Variants in KYNU observed in about 807,000 individuals in gnomAD.
KYNU encodes the protein kynureninase.
KYNU carries 54 observed loss-of-function variants against 59.2 expected under a neutral mutation model. The observed-to-expected ratio is 0.91, with a 90% confidence interval of 0.73 to 1.14. KYNU has a LOEUF of 1.14. KYNU is among the 50% of genes most tolerant of loss of function. The pLI, the probability that KYNU is intolerant of heterozygous loss-of-function variation, is 0.00. For missense variants in KYNU, 567 were observed against 554.4 expected (o/e 1.02, Z -0.23); for synonymous variants, 177 against 192.0 (o/e 0.92, Z 0.65).
intron 4 of KYNU, 106 bp downstream of exon 4, chr2:142,927,847 T>C: frequency 1.2e-6 from 1 of 813,578 alleles, no homozygotes; most frequent in South Asian, 1.5e-5. Flanking sequence ...AACATAGTGA[T>C]TTTCTATTTT....
intron 10 of KYNU, among the ~76,000 whole-genome samples, chr2:143,011,089 G>A (rs1203930335): frequency 6.8e-6 from 1 of 146,070 alleles, no homozygotes; most frequent in East Asian, 2.1e-4. Context: ...AAGAGCTTCT[G>A]CACAGCCAAA....
chr2:142,957,192 G>T (rs1485941886), intron 6 of KYNU, among the ~76,000 whole-genome samples: 1 of 151,960 alleles, frequency 6.6e-6, no homozygotes, highest in East Asian at 1.9e-4. Context: ...ATTCCAGGTC[G>T]GTGTGGGGGC....
At chr2:142,908,619 T>C (rs1682376834) in intron 2 of KYNU, among the ~76,000 whole-genome samples, 1 of 148,718 alleles carries the variant, frequency 6.7e-6, no homozygotes, top group Non-Finnish European at 1.5e-5. Context: ...ATCTAAGTCC[T>C]AATAAAATAT....
intron 4 of KYNU, among the ~76,000 whole-genome samples, chr2:142,928,560 G>A (rs1683112174): frequency 6.6e-6 from 1 of 152,114 alleles, no homozygotes; most frequent in Non-Finnish European, 1.5e-5. Flanking sequence ...CAACGTGGCT[G>A]GAAGGGAAAT....
At chr2:142,943,777 A>G (rs1001685658) in intron 4 of KYNU, among the ~76,000 whole-genome samples, 1 of 152,170 alleles carries the variant, frequency 6.6e-6, no homozygotes, top group African/African-American at 2.4e-5. Context: ...GCAGACCCTC[A>G]GTCATGTACC....
Position 142,937,367 on chromosome 2 carries a change from G to A in KYNU, c.373+9626G>A, listed in dbSNP as rs116360750. Reference sequence around the variant, plus strand: ...TTAGCTACCAGTCCCCACACAGGAGGCTGGACAAGTCTACTCTGTTATCTG... The same window carrying A: ...TTAGCTACCAGTCCCCACACAGGAGACTGGACAAGTCTACTCTGTTATCTG... On this transcript the variant is annotated intron_variant, in intron 4 of 13. Coordinates refer to ENST00000264170, the MANE Select transcript of KYNU (RefSeq NM_003937.3). Among the ~76,000 whole-genome samples, 1,150 of 152,244 alleles carry A rather than the reference G, an allele frequency of 7.6e-3. 7 individuals are homozygous for A. Among genetic ancestry groups the A allele is most frequent in the African/African-American group, 0.027 (1,102 of 41,522 alleles).
At chr2:142,998,003 A>ATTTAT (rs1685593018) in intron 10 of KYNU, among the ~76,000 whole-genome samples, 1 of 152,158 alleles carries the variant, frequency 6.6e-6, no homozygotes, top group Non-Finnish European at 1.5e-5. Flanking sequence ...ATTTGATAAC[A>ATTTAT]TTTATTTGAA....
intron 11 of KYNU, among the ~76,000 whole-genome samples, chr2:143,032,011 C>T (rs1458286415): frequency 3.3e-5 from 5 of 152,068 alleles, no homozygotes; most frequent in East Asian, 1.9e-4. Context: ...GGCGTGGTGG[C>T]TCACGCCTGT....
In KYNU at chr2:142,972,998, T is replaced by C. The variant is rs138408164; in HGVS notation, c.730-12086T>C. On this transcript the variant is annotated intron_variant, in intron 8 of 13. Coordinates refer to ENST00000264170, the MANE Select transcript of KYNU (RefSeq NM_003937.3). ...TTGATGTTTGTAATGCTGACACCAA[T>C]TTGCCATTACATGATTAGTGTATAT... 2.0e-5 allele frequency among the ~76,000 whole-genome samples: 3 copies of C among 148,446 alleles called. 1 individual carries two copies. Among genetic ancestry groups the C allele is most frequent in the African/African-American group, 7.3e-5 (3 of 40,852 alleles).
intron 8 of KYNU, among the ~76,000 whole-genome samples, chr2:142,975,613 A>C (rs1451697656): frequency 3.9e-5 from 6 of 152,142 alleles, no homozygotes; most frequent in Admixed American, 3.9e-4. Context: ...GCCCCAGCAC[A>C]CACTCGCCTG....
chr2:143,015,639 T>C (rs1214449323), intron 10 of KYNU, among the ~76,000 whole-genome samples: 4 of 152,024 alleles, frequency 2.6e-5, no homozygotes, highest in Non-Finnish European at 5.9e-5. Context: ...TCTTCCTGGG[T>C]TTTTGTCCCT....
At chr2:142,994,528 T>C (rs1685485803) in intron 10 of KYNU, among the ~76,000 whole-genome samples, 1 of 152,030 alleles carries the variant, frequency 6.6e-6, no homozygotes, top group African/African-American at 2.4e-5. Flanking sequence ...TCCAATCAGC[T>C]TTGGTCAGGA....
At chr2:142,988,840 A>G in intron 10 of KYNU, 3 of 1,599,888 alleles carry the variant, frequency 1.9e-6, no homozygotes, top group Non-Finnish European at 8.6e-7. Flanking sequence ...CTTCATTTGC[A>G]TTAGGAGATC....
chr2:142,948,632 T>C (rs138701094), intron 4 of KYNU, among the ~76,000 whole-genome samples: 43 of 151,928 alleles, frequency 2.8e-4, no homozygotes, highest in Middle Eastern at 3.4e-3. Flanking sequence ...ATGAGACTTA[T>C]TTACTATCAG....
chr2:142,894,578 C>G (rs1440322025), intron 2 of KYNU, among the ~76,000 whole-genome samples: 1 of 152,116 alleles, frequency 6.6e-6, no homozygotes, highest in Non-Finnish European at 1.5e-5. Context: ...CCTCGTACCC[C>G]CTTTCAGGAA....
intron 10 of KYNU, among the ~76,000 whole-genome samples, chr2:143,000,811 C>T (rs1685691262): frequency 6.6e-6 from 1 of 152,118 alleles, no homozygotes. Context: ...GCTATGTGCC[C>T]TGGGTGCTTT....
intron 10 of KYNU, among the ~76,000 whole-genome samples, chr2:142,996,117 C>T (rs1172143428): frequency 6.6e-6 from 1 of 152,028 alleles, no homozygotes; most frequent in African/African-American, 2.4e-5. Context: ...CCCATGCAGC[C>T]GTGCCCAAAT....
intron 10 of KYNU, among the ~76,000 whole-genome samples, chr2:142,994,842 T>G (rs886123794): frequency 3.9e-5 from 6 of 152,108 alleles, no homozygotes; most frequent in Non-Finnish European, 8.8e-5. Context: ...TCTTCTAGCA[T>G]ATGGAAGCAT....
chr2:142,993,975 T>G (rs1356779175), intron 10 of KYNU, among the ~76,000 whole-genome samples: 1 of 151,986 alleles, frequency 6.6e-6, no homozygotes, highest in South Asian at 2.1e-4. Flanking sequence ...ATATATAGGG[T>G]CAATGAACCT....
Sources: gnomAD v4.1 joint callset for allele counts (sites outside exome capture counted in the v4.1 genomes callset) on GRCh38, gnomAD v4.1.1 for gene constraint, MANE v1.5 for transcripts, NCBI Gene and HGNC (gene_info 2026-07-23, HGNC 2026-07-21) for gene names.